ACER3: variants seen among roughly 807,000 people sequenced by gnomAD.
The protein encoded by ACER3 is alkaline ceramidase 3, also known as alkCDase 3.
ACER3 carries 16 observed loss-of-function variants against 48.9 expected under a neutral mutation model. The ratio of observed to expected loss-of-function variants is 0.33; its 90% confidence interval spans 0.22 to 0.50. ACER3 has a LOEUF of 0.50. Ranked by LOEUF, ACER3 falls within the 20% of genes least tolerant of loss-of-function variation. The pLI is 0.98. For missense variants in ACER3, 227 were observed against 326.0 expected, an observed-to-expected ratio of 0.70 and a Z score of 2.34; for synonymous variants, 109 against 107.8, an observed-to-expected ratio of 1.01 and a Z score of -0.07.
intron 1 of ACER3, among the ~76,000 whole-genome samples, chr11:76,872,911 C>CTTTTTTTTTTTT (rs59654087): frequency 4.4e-5 from 3 of 68,702 alleles, no homozygotes; most frequent in African/African-American, 7.6e-5. Context: ...TTTTCTTTTT[C>CTTTTTTTTTTTT]TTTTTTTTTT....
chr11:76,990,423 G>A, intron 5 of ACER3, 116 bp from the exon 6 acceptor site: 1 of 777,774 alleles, frequency 1.3e-6, no homozygotes, highest in Non-Finnish European at 2.3e-6. Context: ...CTAGATTCAA[G>A]TCTGAGTAAG....
At chr11:76,907,300 C>G (rs1473164360) in intron 1 of ACER3, among the ~76,000 whole-genome samples, 1 of 152,204 alleles carries the variant, frequency 6.6e-6, no homozygotes, top group Non-Finnish European at 1.5e-5. Flanking sequence ...AGCTTCTGCA[C>G]TTGAAAGTCT....
rs2135353755 is a variant in ACER3 at position 77,024,120 on chromosome 11, A to G, written c.*3793A>G. ...AAAAAAAGACTAAAATTTGATTTAA[A>G]GTAGTTAAACCCCTTTATGGAAGGA... is the stretch of plus-strand genomic sequence containing the variant. On this transcript the variant is annotated 3_prime_UTR_variant, in exon 11 of 11. Coordinates refer to ENST00000532485, the MANE Select transcript of ACER3 (RefSeq NM_018367.7). 1 of 145,174 alleles carries G rather than the reference A, an allele frequency of 6.9e-6. No homozygotes were observed. Among genetic ancestry groups the G allele is most frequent in the East Asian group, 2.0e-4 (1 of 5,004 alleles). 9.0% of individuals were successfully genotyped at this position (145,174 alleles called of 1,614,324 possible). A position where few individuals can be genotyped will look rare whatever the true frequency, so the allele number is the denominator to read the frequency against.
intron 8 of ACER3, among the ~76,000 whole-genome samples, chr11:77,015,503 TA>T (rs1321063572): frequency 4.6e-5 from 7 of 152,218 alleles, no homozygotes; most frequent in South Asian, 4.1e-4. Context: ...TGTTATTTTC[TA>T]AAAAAGCAAG....
chr11:76,870,573 A>G (rs925416981), intron 1 of ACER3, among the ~76,000 whole-genome samples: 1 of 152,240 alleles, frequency 6.6e-6, no homozygotes, highest in Non-Finnish European at 1.5e-5. Flanking sequence ...ATGTGGTAGC[A>G]GAGTAGCTAT....
At chr11:76,901,166 T>C (rs1215260432) in intron 1 of ACER3, among the ~76,000 whole-genome samples, 2 of 152,084 alleles carry the variant, frequency 1.3e-5, no homozygotes, top group Non-Finnish European at 2.9e-5. Context: ...GATCCCCTGA[T>C]TTAGAGATTT....
intron 1 of ACER3, among the ~76,000 whole-genome samples, chr11:76,916,324 A>G (rs554774608): frequency 2.6e-5 from 4 of 152,222 alleles, no homozygotes; most frequent in Admixed American, 2.0e-4. Flanking sequence ...GCATGAGGGC[A>G]GTCTGTCTGG....
At chr11:77,019,383 T>TGGGAGGCGGAGGTTGCA (rs1314963067) in intron 9 of ACER3, among the ~76,000 whole-genome samples, 1 of 152,116 alleles carries the variant, frequency 6.6e-6, no homozygotes, top group African/African-American at 2.4e-5. Context: ...TGCTTGAACC[T>TGGGAGGCGGAGGTTGCA]GGGAGGCGGA....
intron 1 of ACER3, among the ~76,000 whole-genome samples, chr11:76,907,117 G>C (rs1046859808): frequency 7.9e-5 from 12 of 151,754 alleles, no homozygotes; most frequent in African/African-American, 1.9e-4. Context: ...ACTTACATTA[G>C]ACAGCCAGTT....
chr11:76,890,495 G>T (rs1945778353), intron 1 of ACER3, among the ~76,000 whole-genome samples: 1 of 152,142 alleles, frequency 6.6e-6, no homozygotes, highest in Non-Finnish European at 1.5e-5. Context: ...TCATTTTAAT[G>T]AAATGGAGGA....
chr11:76,907,390 G>C (rs148864991), intron 1 of ACER3, among the ~76,000 whole-genome samples: 70 of 152,232 alleles, frequency 4.6e-4, no homozygotes, highest in African/African-American at 1.4e-3. Context: ...TTTGTTCTTA[G>C]TGGACATGCT....
intron 2 of ACER3, among the ~76,000 whole-genome samples, chr11:76,935,459 G>C (rs1183221980): frequency 6.6e-6 from 1 of 152,140 alleles, no homozygotes; most frequent in Admixed American, 6.5e-5. Context: ...CTATTGGATT[G>C]TAAAAATGAA....
chr11:77,016,262 A>G (rs1159821409), intron 8 of ACER3, among the ~76,000 whole-genome samples: 2 of 152,154 alleles, frequency 1.3e-5, no homozygotes, highest in African/African-American at 4.8e-5. Context: ...AAAATAAAGT[A>G]TGAGAAATTT....
At chr11:76,934,029 C>T (rs191140033) in intron 2 of ACER3, among the ~76,000 whole-genome samples, 3,185 of 151,094 alleles carry the variant, frequency 0.021, 114 homozygotes, top group African/African-American at 0.074. Flanking sequence ...GGCAGAGGCA[C>T]TCCCCACATC....
At chr11:76,871,733 C>G (rs904362309) in intron 1 of ACER3, among the ~76,000 whole-genome samples, 5 of 152,146 alleles carry the variant, frequency 3.3e-5, no homozygotes, top group African/African-American at 4.8e-5. Context: ...GATCAGAAAA[C>G]GAGCTGGAAA....
chr11:76,889,513 T>A (rs1306641185), intron 1 of ACER3, among the ~76,000 whole-genome samples: 1 of 152,192 alleles, frequency 6.6e-6, no homozygotes, highest in Non-Finnish European at 1.5e-5. Flanking sequence ...TACAAACATA[T>A]AAGTGCATCA....
intron 2 of ACER3, among the ~76,000 whole-genome samples, chr11:76,951,470 A>C (rs548938132): frequency 6.6e-6 from 1 of 152,216 alleles, no homozygotes; most frequent in South Asian, 2.1e-4. Context: ...AGAGCATTTG[A>C]GTTCATCATT....
chr11:76,935,060 G>A (rs771751956), intron 2 of ACER3, among the ~76,000 whole-genome samples: 26 of 151,940 alleles, frequency 1.7e-4, no homozygotes, highest in East Asian at 7.7e-4. Context: ...CAAAAAAGAC[G>A]AAACAAAATT....
At chr11:76,990,467 A>T in intron 5 of ACER3, 72 bp from the exon 6 acceptor site, 1 of 1,065,894 alleles carries the variant, frequency 9.4e-7, no homozygotes, top group Non-Finnish European at 1.5e-6. Flanking sequence ...GGATTTGCAG[A>T]GTAATTGGAG....
Sources: gnomAD v4.1 joint callset for allele counts (sites outside exome capture counted in the v4.1 genomes callset) on GRCh38, gnomAD v4.1.1 for gene constraint, MANE v1.5 for transcripts, NCBI Gene and HGNC (gene_info 2026-07-23, HGNC 2026-07-21) for gene names.